Variants in DOCK1 observed in about 807,000 individuals in gnomAD.
DOCK1 encodes the protein dedicator of cytokinesis protein 1.
Under a neutral mutation model 262.7 loss-of-function variants are expected in DOCK1, and 138 were observed. The observed-to-expected ratio is 0.53, with a 90% confidence interval of 0.46 to 0.61. The LOEUF is 0.61. DOCK1 is among the 20% of genes least tolerant of loss of function. The pLI, the probability that DOCK1 is intolerant of heterozygous loss-of-function variation, is 0.00. For missense variants in DOCK1, 1,908 were observed against 2,370.7 expected, an observed-to-expected ratio of 0.80 and a Z score of 4.05; for synonymous variants, 866 against 867.4, an observed-to-expected ratio of 1.00 and a Z score of 0.03.
chr10:127,070,910 C>G (rs1172778240), intron 23 of DOCK1, among the ~76,000 whole-genome samples: 1 of 151,952 alleles, frequency 6.6e-6, no homozygotes, highest in East Asian at 1.9e-4. Flanking sequence ...GCTGTGTGAG[C>G]AGTAGTGTTT....
chr10:127,000,078 A>T, intron 9 of DOCK1, 94 bp from the exon 10 acceptor site: 1 of 1,417,634 alleles, frequency 7.1e-7, no homozygotes, highest in African/African-American at 1.4e-5. Context: ...CTGGTCTGAG[A>T]AGAGTCTCAA....
In DOCK1 at chr10:127,110,322, A is replaced by G. The variant is rs764504730; in HGVS notation, c.2591A>G (p.Glu864Gly). Residue 864 changes from glutamate (E) to glycine (G), a missense_variant, in exon 25 of 52, where the codon GAA (glutamate) becomes GGA (glycine). Glu to Gly is a moderately conservative substitution (Grantham distance 98). Coordinates refer to ENST00000623213, the MANE Select transcript of DOCK1 (RefSeq NM_001290223.2). ...ATCCAGAAACTCTACTGCTTGATCGAAATCGTCCACAGTGACCTCTTCACA... is the reference window on the plus strand; with the variant it reads ...ATCCAGAAACTCTACTGCTTGATCGGAATCGTCCACAGTGACCTCTTCACA... ...LTIQKLYCLI[E>G]IVHSDLFTQH... is the part of the protein sequence containing the mutation. 6.2e-7 allele frequency: 1 copy of G among 1,613,506 alleles called. No individual in the cohort carries two copies. The highest frequency in any genetic ancestry group is 8.5e-7 in the Non-Finnish European group (1 of 1,179,734).
intron 29 of DOCK1, among the ~76,000 whole-genome samples, chr10:127,265,975 G>A (rs2060338866): frequency 6.6e-6 from 1 of 152,206 alleles, no homozygotes. Context: ...AATTTGAGTC[G>A]TTGACCACAC....
chr10:127,008,678 TC>T, intron 10 of DOCK1, 53 bp from the exon 11 acceptor site: 1 of 1,421,692 alleles, frequency 7.0e-7, no homozygotes. Flanking sequence ...TTGTTTGTGT[TC>T]TGTGATTATA....
chr10:127,320,121 C>T (rs561301196), intron 29 of DOCK1, among the ~76,000 whole-genome samples: 8 of 152,064 alleles, frequency 5.3e-5, no homozygotes, highest in Admixed American at 4.6e-4. Flanking sequence ...CCTTTTCTTC[C>T]TCTCAGTCCC....
Position 127,045,200 on chromosome 10 carries a change from TAAAAAAAA to T in DOCK1, c.2201+2054_2201+2061del, listed in dbSNP as rs71032534. On this transcript the variant is annotated intron_variant, in intron 21 of 51. Transcript: ENST00000623213. The stretch of plus-strand genomic sequence containing the variant: ...GCTACAGATCAAGACTCTGTCTCAA[TAAAAAAAA>T]AAAAAAAAAAAAAAAAAGGATCCTG... Among the ~76,000 whole-genome samples, 78 of 82,096 alleles carry T rather than the reference TAAAAAAAA, an allele frequency of 9.5e-4. 2 individuals are homozygous for T. Among genetic ancestry groups the T allele is most frequent in the African/African-American group, 3.1e-3 (64 of 20,700 alleles). The allele number at this position is 82,096 out of a possible 152,430, so 53.9% of individuals were successfully genotyped here.
intron 25 of DOCK1, among the ~76,000 whole-genome samples, chr10:127,114,604 G>T (rs2049058897): frequency 6.7e-6 from 1 of 149,236 alleles, no homozygotes; most frequent in Non-Finnish European, 1.5e-5. Context: ...GTGCAGTTCA[G>T]ATCTGTGCAT....
At chr10:127,299,558 G>A (rs1012856393) in intron 29 of DOCK1, among the ~76,000 whole-genome samples, 5 of 152,244 alleles carry the variant, frequency 3.3e-5, no homozygotes, top group Non-Finnish European at 4.4e-5. Flanking sequence ...TAAGAGGAAG[G>A]CATGGGACAG....
chr10:127,198,986 AT>A (rs796827474), intron 27 of DOCK1, among the ~76,000 whole-genome samples: 5 of 148,484 alleles, frequency 3.4e-5, no homozygotes, highest in East Asian at 2.0e-4. Flanking sequence ...TCCCTCTTGC[AT>A]TTTTTTTTAA....
intron 27 of DOCK1, among the ~76,000 whole-genome samples, chr10:127,238,968 A>G (rs1048679272): frequency 4.6e-5 from 7 of 152,142 alleles, no homozygotes; most frequent in African/African-American, 1.7e-4. Context: ...GGAAGCTTCA[A>G]TTTCCCCTGG....
At chr10:127,324,223 G>C (rs1244011611) in intron 29 of DOCK1, among the ~76,000 whole-genome samples, 1 of 152,210 alleles carries the variant, frequency 6.6e-6, no homozygotes, top group Non-Finnish European at 1.5e-5. Flanking sequence ...GCTGAGCAAA[G>C]ATCACCCGTC....
intron 27 of DOCK1, among the ~76,000 whole-genome samples, chr10:127,200,942 A>G (rs1851270800): frequency 6.6e-6 from 1 of 152,204 alleles, no homozygotes. Flanking sequence ...ACATCTGCAT[A>G]TTCCAAAGAG....
At chr10:127,322,188 T>C (rs2720970) in intron 29 of DOCK1, among the ~76,000 whole-genome samples, 13 of 33,814 alleles carry the variant, frequency 3.8e-4, no homozygotes, top group African/African-American at 6.5e-4. Context: ...ATAATTTCCC[T>C]TTTTTTTTTT....
rs182887246 is a variant in DOCK1, at chr10:127,015,338, C to A, written c.1201+2964C>A. 2.4e-4 allele frequency among the ~76,000 whole-genome samples: 37 copies of A among 152,238 alleles called. No individual in the cohort carries two copies. The East Asian group carries it at 3.3e-3, about 14-fold the overall frequency. Reference sequence around the variant, plus strand: ...TCTGCCTCCCAGCATCGGCCCTCTCCCTGAGCGCCCCCGCCCCCTCTGCCC... The same window carrying A: ...TCTGCCTCCCAGCATCGGCCCTCTCACTGAGCGCCCCCGCCCCCTCTGCCC... On this transcript the variant is annotated intron_variant, in intron 12 of 51. Transcript: ENST00000623213.
At chr10:127,213,992 A>G (rs1411843878) in intron 27 of DOCK1, among the ~76,000 whole-genome samples, 1 of 152,160 alleles carries the variant, frequency 6.6e-6, no homozygotes, top group Non-Finnish European at 1.5e-5. Flanking sequence ...GGCACCCGCC[A>G]CCATGCCTGG....
intron 1 of DOCK1, among the ~76,000 whole-genome samples, chr10:126,919,133 C>T (rs2032906551): frequency 6.6e-6 from 1 of 152,166 alleles, no homozygotes; most frequent in Non-Finnish European, 1.5e-5. Flanking sequence ...TGTGGCTCAT[C>T]CCAACATGTC....
chr10:126,988,528 T>G (rs981198767), intron 5 of DOCK1: 4 of 152,248 alleles, frequency 2.6e-5, no homozygotes, highest in African/African-American at 9.6e-5. Flanking sequence ...TAGCCATGAA[T>G]GTTTTGTGTA....
rs1014318064 is a variant in DOCK1, at chr10:126,951,434, T to C, written c.47-19268T>C. ...ATTAGTGATAGTGGTGGTGGTAGTATTGTTGGTAGTGTTGGTAGTATTGGT... is the reference window on the plus strand; with the variant it reads ...ATTAGTGATAGTGGTGGTGGTAGTACTGTTGGTAGTGTTGGTAGTATTGGT... On this transcript the variant is annotated intron_variant, in intron 1 of 51. Coordinates refer to ENST00000623213, the MANE Select transcript of DOCK1 (RefSeq NM_001290223.2). 9.0e-4 allele frequency among the ~76,000 whole-genome samples: 136 copies of C among 151,630 alleles called. 1 individual carries two copies. In the Middle Eastern group the frequency reaches 0.021, roughly 23 times the overall value.
chr10:127,311,107 C>T (rs182016641), intron 29 of DOCK1, among the ~76,000 whole-genome samples: 150 of 152,298 alleles, frequency 9.8e-4, no homozygotes, highest in African/African-American at 3.4e-3. Flanking sequence ...GCACACGAAT[C>T]GCCTGGGGCT....
Sources: gnomAD v4.1 joint callset for allele counts (sites outside exome capture counted in the v4.1 genomes callset) on GRCh38, gnomAD v4.1.1 for gene constraint, MANE v1.5 for transcripts, NCBI Gene and HGNC (gene_info 2026-07-23, HGNC 2026-07-21) for gene names.